The following SCMH1 variants were observed in gnomAD, a reference collection of about 807,000 sequenced individuals.
The protein encoded by SCMH1 is polycomb protein SCMH1.
SCMH1 carries 37 observed loss-of-function variants against 70.8 expected under a neutral mutation model. That is an observed-to-expected ratio of 0.52 (90% CI 0.40 to 0.69). The LOEUF (loss-of-function observed/expected upper bound fraction) is 0.69. Among genes scored for constraint, SCMH1 ranks in the 30% least tolerant of loss-of-function variants. SCMH1 has a pLI of 0.00. For synonymous variants in SCMH1, 292 were observed against 307.4 expected (o/e 0.95, Z 0.52); for missense variants, 607 against 827.3 (o/e 0.73, Z 3.27).
chr1:41,135,946 CTT>C (rs904347707), intron 6 of SCMH1, among the ~76,000 whole-genome samples: 33 of 139,790 alleles, frequency 2.4e-4, no homozygotes, highest in Admixed American at 2.2e-4. Context: ...TGTATATTTT[CTT>C]TTTTTTTTTT....
At chr1:41,078,294 G>A (rs1200373471) in intron 8 of SCMH1, among the ~76,000 whole-genome samples, 1 of 152,142 alleles carries the variant, frequency 6.6e-6, no homozygotes, top group Non-Finnish European at 1.5e-5. Context: ...CAATCCCACA[G>A]GGAGAAGACA....
intron 1 of SCMH1, among the ~76,000 whole-genome samples, chr1:41,216,045 G>A (rs1219541555): frequency 6.6e-6 from 1 of 152,196 alleles, no homozygotes; most frequent in African/African-American, 2.4e-5. Context: ...TGTGCCCCAG[G>A]TGGGTCTCCA....
At chr1:41,049,342 T>C (rs1015393369) in intron 10 of SCMH1, among the ~76,000 whole-genome samples, 3 of 135,846 alleles carry the variant, frequency 2.2e-5, no homozygotes, top group Admixed American at 8.0e-5. Flanking sequence ...ATGTATGTCA[T>C]TGGATTTAGA....
chr1:41,115,413 TTAGA>T (rs1281533747), intron 7 of SCMH1, among the ~76,000 whole-genome samples: 3 of 152,220 alleles, frequency 2.0e-5, no homozygotes, highest in Non-Finnish European at 2.9e-5. Flanking sequence ...TTTATGATAA[TTAGA>T]TAGTGACCTC....
chr1:41,220,979 CTTTT>C (rs1659130958), intron 1 of SCMH1, among the ~76,000 whole-genome samples: 2 of 147,140 alleles, frequency 1.4e-5, no homozygotes, highest in Admixed American at 6.7e-5. Flanking sequence ...TTAGTCTCAT[CTTTT>C]TTAATTGTCA....
At chr1:41,233,199 CAT>C (rs751018516) in intron 1 of SCMH1, among the ~76,000 whole-genome samples, 1 of 142,856 alleles carries the variant, frequency 7.0e-6, no homozygotes, top group Non-Finnish European at 1.5e-5. Context: ...ATATATAAGC[CAT>C]ATATATATAA....
intron 4 of SCMH1, among the ~76,000 whole-genome samples, chr1:41,153,906 C>T (rs1645288535): frequency 6.6e-6 from 1 of 152,112 alleles, no homozygotes; most frequent in Non-Finnish European, 1.5e-5. Context: ...AGGACAGGCA[C>T]CAAGGTATAG....
intron 10 of SCMH1, among the ~76,000 whole-genome samples, chr1:41,063,873 C>T (rs890779315): frequency 4.6e-5 from 7 of 152,144 alleles, no homozygotes; most frequent in East Asian, 1.9e-4. Flanking sequence ...TAGGTTCATT[C>T]GTGAATTCTA....
At chr1:41,176,083 A>G (rs1474140889) in intron 2 of SCMH1, among the ~76,000 whole-genome samples, 1 of 151,652 alleles carries the variant, frequency 6.6e-6, no homozygotes, top group African/African-American at 2.4e-5. Context: ...CCAGGCTGAA[A>G]GATCAACAGT....
chr1:41,231,502 G>A (rs748854953), intron 1 of SCMH1, among the ~76,000 whole-genome samples: 1 of 151,978 alleles, frequency 6.6e-6, no homozygotes, highest in African/African-American at 2.4e-5. Context: ...ACATTAGTAT[G>A]GCATATTTGT....
intron 8 of SCMH1, among the ~76,000 whole-genome samples, chr1:41,083,384 A>C (rs1660644682): frequency 6.6e-6 from 1 of 152,218 alleles, no homozygotes; most frequent in Non-Finnish European, 1.5e-5. Flanking sequence ...AATTGCTTCA[A>C]AGAGAATAAA....
chr1:41,178,553 A>G (rs1647694849), intron 2 of SCMH1, among the ~76,000 whole-genome samples: 1 of 152,208 alleles, frequency 6.6e-6, no homozygotes, highest in African/African-American at 2.4e-5. Context: ...TACTGAGCAA[A>G]TGAAAAACAA....
At chr1:41,179,360 T>A (rs570465446) in intron 2 of SCMH1, among the ~76,000 whole-genome samples, 2 of 152,146 alleles carry the variant, frequency 1.3e-5, no homozygotes, top group South Asian at 4.2e-4. Flanking sequence ...AAGAAATAAC[T>A]AACATCAGAG....
At chr1:41,079,770 C>T (rs1354274292) in intron 8 of SCMH1, among the ~76,000 whole-genome samples, 3 of 152,058 alleles carry the variant, frequency 2.0e-5, no homozygotes, top group East Asian at 1.9e-4. Flanking sequence ...GAGCCCAGGT[C>T]GAGGTTGCAG....
At chr1:41,047,604 G>A (rs1279224265) in intron 11 of SCMH1, among the ~76,000 whole-genome samples, 2 of 151,948 alleles carry the variant, frequency 1.3e-5, no homozygotes, top group African/African-American at 2.4e-5. Flanking sequence ...GTTTTGCCAT[G>A]TTGGCCAGGC....
At chr1:41,177,910 A>C (rs1406673605) in intron 2 of SCMH1, among the ~76,000 whole-genome samples, 2 of 152,198 alleles carry the variant, frequency 1.3e-5, no homozygotes, top group African/African-American at 2.4e-5. Flanking sequence ...ACTCCTCGAG[A>C]AGAGCAACTC....
At chr1:41,196,086 AC>A (rs577946594) in intron 1 of SCMH1, among the ~76,000 whole-genome samples, 49 of 152,168 alleles carry the variant, frequency 3.2e-4, no homozygotes, top group Non-Finnish European at 6.5e-4. Context: ...ATGAAAAGAT[AC>A]TCTGTTCTGT....
chr1:41,075,492 T>A, intron 8 of SCMH1, 41 bp from the exon 9 acceptor site: 1 of 1,529,398 alleles, frequency 6.5e-7, no homozygotes, highest in South Asian at 1.1e-5. Context: ...CCCTCCCCCC[T>A]GCATTCTCAT....
chr1:41,075,423 G>A (rs1657978967), exon 9 of SCMH1: 1 of 1,613,928 alleles, frequency 6.2e-7, no homozygotes, highest in Non-Finnish European at 8.5e-7. Flanking sequence ...TCACATCGGA[G>A]GCAGGATAGG....
Sources: gnomAD v4.1 joint callset for allele counts (sites outside exome capture counted in the v4.1 genomes callset) on GRCh38, gnomAD v4.1.1 for gene constraint, MANE v1.5 for transcripts, NCBI Gene and HGNC (gene_info 2026-07-23, HGNC 2026-07-21) for gene names.